The following NPHP4 variants were observed in gnomAD, a reference collection of about 807,000 sequenced individuals.
The protein encoded by NPHP4 is nephrocystin-4.
A neutral mutation model predicts 155.8 loss-of-function variants in NPHP4; 151 were observed. The observed-to-expected ratio is 0.97, with a 90% CI of 0.85 to 1.11. The LOEUF is 1.11. NPHP4 is among the 50% of genes least tolerant of loss of function. The pLI is 0.00. For missense variants in NPHP4, 1,956 were observed against 1,925.7 expected, an observed-to-expected ratio of 1.02 and a Z score of -0.29; for synonymous variants, 845 against 816.8, an observed-to-expected ratio of 1.03 and a Z score of -0.59.
chr1:5,975,595 A>C (rs941007793), intron 3 of NPHP4, among the ~76,000 whole-genome samples: 11 of 152,348 alleles, frequency 7.2e-5, no homozygotes, highest in Non-Finnish European at 1.3e-4. Flanking sequence ...CCCAGATGAC[A>C]GGCCAAGGCT....
Position 5,891,576 on chromosome 1 carries a change from G to A in NPHP4, c.2144-548C>T, listed in dbSNP as rs548963007. Among the ~76,000 whole-genome samples, 56 of 152,380 alleles carry A rather than the reference G, an allele frequency of 3.7e-4. 1 individual carries two copies. Among genetic ancestry groups the A allele is most frequent in the Middle Eastern group, 3.4e-3 (1 of 294 alleles). On this transcript the variant is annotated intron_variant, in intron 16 of 29. Transcript: ENST00000378156. ...CAGGCTAAGAGATGGGAACTGGACT[G>A]CGGCCCCTGCCTTCATCTTCTTGAA...
At chr1:5,983,089 A>G (rs980568364) in intron 2 of NPHP4, among the ~76,000 whole-genome samples, 1 of 152,210 alleles carries the variant, frequency 6.6e-6, no homozygotes, top group Non-Finnish European at 1.5e-5. Flanking sequence ...TTAAGAGATG[A>G]CAAGGTGATT....
chr1:5,903,044 A>C (rs1644751870), intron 16 of NPHP4, among the ~76,000 whole-genome samples: 1 of 152,190 alleles, frequency 6.6e-6, no homozygotes, highest in South Asian at 2.1e-4. Flanking sequence ...AGTTTTTCTA[A>C]GTTTCAAAGT....
At chr1:5,954,778 G>C (rs1251300551) in intron 6 of NPHP4, among the ~76,000 whole-genome samples, 5 of 152,172 alleles carry the variant, frequency 3.3e-5, no homozygotes, top group African/African-American at 1.2e-4. Context: ...TCGTAACACT[G>C]GGCTGAGTAA....
chr1:5,923,215 G>A (rs1197597133), intron 11 of NPHP4, among the ~76,000 whole-genome samples: 1 of 152,182 alleles, frequency 6.6e-6, no homozygotes, highest in Non-Finnish European at 1.5e-5. Flanking sequence ...GCAGCCAAGA[G>A]ACTATTAACA....
At chr1:5,878,248 A>G (rs1216984536) in intron 19 of NPHP4, among the ~76,000 whole-genome samples, 5 of 152,200 alleles carry the variant, frequency 3.3e-5, no homozygotes, top group African/African-American at 9.6e-5. Flanking sequence ...GTGGACAGCA[A>G]CGTGACCCCC....
chr1:5,979,493 G>C (rs1654295472), intron 2 of NPHP4, among the ~76,000 whole-genome samples: 2 of 152,122 alleles, frequency 1.3e-5, no homozygotes, highest in African/African-American at 4.8e-5. Flanking sequence ...CGTGCTCCAG[G>C]AGCCAGCGAG....
intron 3 of NPHP4, among the ~76,000 whole-genome samples, chr1:5,972,838 T>C (rs1652825361): frequency 6.6e-6 from 1 of 152,162 alleles, no homozygotes. Flanking sequence ...GGTGCACCCA[T>C]CACCCGAGCA....
At position 5,867,626 on chromosome 1, in the gene NPHP4, G is replaced by A; in HGVS notation, c.3472+114C>T. 3.5e-6 allele frequency: 4 copies of A among 1,129,994 alleles called. No individual in the cohort carries two copies. In the South Asian group the frequency reaches 5.8e-5, roughly 16 times the overall value. 70.0% of individuals were successfully genotyped at this position (1,129,994 alleles called of 1,614,324 possible). A position where few individuals can be genotyped will look rare whatever the true frequency, so the allele number is the denominator to read the frequency against. On this transcript the variant is annotated intron_variant, in intron 24 of 29. Transcript: ENST00000378156. The surrounding 1 kb of genome is among the most constrained non-coding windows in gnomAD (Gnocchi z 4.1). Reference sequence around the variant, plus strand: ...GAGAATTCCCCAGGCCCCACGTGCTGCTCTGACAGCACCAGGGCATGAAGC... The same window carrying A: ...GAGAATTCCCCAGGCCCCACGTGCTACTCTGACAGCACCAGGGCATGAAGC...
intron 6 of NPHP4, among the ~76,000 whole-genome samples, chr1:5,958,856 C>CAA (rs397705325): frequency 1.3e-5 from 1 of 75,900 alleles, no homozygotes; most frequent in Non-Finnish European, 2.2e-5. Context: ...GACCCTGTCT[C>CAA]AAAAAAAAAA....
intron 16 of NPHP4, among the ~76,000 whole-genome samples, chr1:5,900,518 A>G (rs563325531): frequency 1.5e-4 from 23 of 152,302 alleles, no homozygotes; most frequent in African/African-American, 4.3e-4. Flanking sequence ...ACATGGAAAC[A>G]GTCAAAAGAA....
At position 5,890,799 on chromosome 1, in the gene NPHP4, G is replaced by A. The variant is rs1644081880; in HGVS notation, c.2304+69C>T. The A allele has an allele frequency of 6.1e-6, 9 of 1,485,310 alleles. No homozygotes were observed. Among genetic ancestry groups the A allele is most frequent in the Admixed American group, 3.7e-5 (2 of 53,900 alleles). 92.0% of individuals were successfully genotyped at this position (1,485,310 alleles called of 1,614,324 possible). On this transcript the variant is annotated intron_variant, in intron 17 of 29. Coordinates refer to ENST00000378156, the MANE Select transcript of NPHP4 (RefSeq NM_015102.5). This position sits in a 1 kb window ranked among gnomAD's most constrained non-coding sequence, Gnocchi z 4.9. ...GCCCGCTCCTTCCAAGCAGACAGAC[G>A]CTGGAAGCGTGACTCGTCCCATGAG...
Position 5,877,202 on chromosome 1 carries a change from T to TCCTGGGGC in NPHP4, c.2700_2707dup (p.Asp903GlyfsTer20). 4 of 1,606,156 alleles carry TCCTGGGGC rather than the reference T, an allele frequency of 2.5e-6. No homozygotes were observed. The highest frequency in any genetic ancestry group is 3.4e-6 in the Non-Finnish European group (4 of 1,175,872). ...GGTGGCATCCGACTCGCGGCTGACG[T>TCCTGGGGC]CCTGGGGCCCCTTGCCCTGCCGGGC... On this transcript the variant is annotated frameshift_variant, in exon 20 of 30. Transcript: ENST00000378156. LOFTEE classifies it high-confidence loss of function.
chr1:5,906,581 C>T (rs374355530), intron 13 of NPHP4, among the ~76,000 whole-genome samples: 10 of 152,384 alleles, frequency 6.6e-5, no homozygotes, highest in Admixed American at 6.5e-4. Context: ...TTTTCCTCAA[C>T]ATAATTCCAG....
chr1:5,927,330 G>A (rs533915541), intron 11 of NPHP4, among the ~76,000 whole-genome samples: 99 of 152,182 alleles, frequency 6.5e-4, no homozygotes, highest in Non-Finnish European at 1.2e-3. Context: ...CTCGGCTCTC[G>A]ACCACCCTCT....
Position 5,887,149 on chromosome 1 carries a change from C to T in NPHP4, c.2485+137G>A. On this transcript the variant is annotated intron_variant, in intron 18 of 29. Coordinates refer to ENST00000378156, the MANE Select transcript of NPHP4 (RefSeq NM_015102.5). ...GCGGCCAAGGACACAGGCTCCATGG[C>T]CAAGCTGGTGAGAATTCTCCCGGTT... 6.1e-6 allele frequency: 5 copies of T among 825,614 alleles called. No individual in the cohort carries two copies. The South Asian group carries it at 9.0e-5, about 15-fold the overall frequency. The allele number at this position is 825,614 out of a possible 1,614,324, so 51.1% of individuals were successfully genotyped here. A position where few individuals can be genotyped will look rare whatever the true frequency, so the allele number is the denominator to read the frequency against.
rs188639265 is a variant in NPHP4 at position 5,886,870 on chromosome 1, C to A, written c.2485+416G>T. 3.7e-4 allele frequency: 63 copies of A among 169,490 alleles called. 1 individual carries two copies. Among genetic ancestry groups the A allele is most frequent in the Admixed American group, 1.0e-3 (17 of 16,886 alleles). The allele number at this position is 169,490 out of a possible 1,614,324, so 10.5% of individuals were successfully genotyped here. ...TTTTCTACAAAGTCATGGTGCTGGGCCGAGAAGAAATGCGCCTCTTCACTC... is the reference window on the plus strand; with the variant it reads ...TTTTCTACAAAGTCATGGTGCTGGGACGAGAAGAAATGCGCCTCTTCACTC... On this transcript the variant is annotated intron_variant, in intron 18 of 29. Coordinates refer to ENST00000378156, the MANE Select transcript of NPHP4 (RefSeq NM_015102.5).
rs561152997 is a variant in NPHP4 at position 5,890,265 on chromosome 1, T to C, written c.2304+603A>G. On this transcript the variant is annotated intron_variant, in intron 17 of 29. Coordinates refer to ENST00000378156, the MANE Select transcript of NPHP4 (RefSeq NM_015102.5). This position sits in a 1 kb window ranked among gnomAD's most constrained non-coding sequence, Gnocchi z 4.9. ...GAAGTCTCAGGACACCATGGTAGCG[T>C]GTGAAACTGGCCCCAGTCCTTGGCC... is the stretch of plus-strand genomic sequence containing the variant. Among the ~76,000 whole-genome samples, 304 of 152,264 alleles carry C rather than the reference T, an allele frequency of 2.0e-3. No individual in the cohort carries two copies. Among genetic ancestry groups the C allele is most frequent in the Non-Finnish European group, 3.5e-3 (241 of 68,022 alleles).
chr1:5,938,816 C>G (rs1354597641), intron 9 of NPHP4, among the ~76,000 whole-genome samples: 1 of 152,210 alleles, frequency 6.6e-6, no homozygotes, highest in African/African-American at 2.4e-5. Context: ...TCAGAATCGT[C>G]TGAATCATCA....
Sources: allele counts gnomAD v4.1 joint callset (sites outside exome capture counted in the v4.1 genomes callset), GRCh38; gene constraint gnomAD v4.1.1; non-coding constraint Gnocchi (gnomAD v3.1); transcripts MANE v1.5; gene names NCBI Gene and HGNC (gene_info 2026-07-23, HGNC 2026-07-21).